Variants in MAGI1 observed in about 807,000 individuals in gnomAD.
MAGI1 encodes membrane-associated guanylate kinase, WW and PDZ domain-containing protein 1.
Under a neutral mutation model 139.9 loss-of-function variants are expected in MAGI1, and 58 were observed. That is an observed-to-expected ratio of 0.41 (90% CI 0.34 to 0.52). MAGI1 has a LOEUF of 0.52. MAGI1 is among the 20% of genes least tolerant of loss of function. The pLI is 0.12. For synonymous variants in MAGI1, 812 were observed against 737.9 expected, an observed-to-expected ratio of 1.10 and a Z score of -1.63; for missense variants, 1,874 against 1,901.6, an observed-to-expected ratio of 0.99 and a Z score of 0.27.
At chr3:65,419,339 T>A (rs1946480420) in intron 12 of MAGI1, among the ~76,000 whole-genome samples, 1 of 151,938 alleles carries the variant, frequency 6.6e-6, no homozygotes, top group Non-Finnish European at 1.5e-5. Context: ...ACACACACAG[T>A]AAATATTTCA....
chr3:65,975,488 G>T (rs1446264410), intron 1 of MAGI1, among the ~76,000 whole-genome samples: 1 of 152,084 alleles, frequency 6.6e-6, no homozygotes, highest in East Asian at 1.9e-4. Context: ...GGGCACAGTG[G>T]CTCAAGCCTG....
intron 1 of MAGI1, among the ~76,000 whole-genome samples, chr3:65,878,287 C>A: frequency 6.6e-6 from 1 of 152,006 alleles, no homozygotes; most frequent in East Asian, 1.9e-4. Flanking sequence ...GAGGCCAAGG[C>A]GGGCAGATCA....
intron 12 of MAGI1, among the ~76,000 whole-genome samples, chr3:65,424,775 T>C (rs1946884334): frequency 6.6e-6 from 1 of 152,100 alleles, no homozygotes; most frequent in African/African-American, 2.4e-5. Flanking sequence ...CTTATTTTCA[T>C]CCAACTTATA....
At chr3:65,530,311 C>A (rs1022492938) in intron 2 of MAGI1, among the ~76,000 whole-genome samples, 1 of 151,986 alleles carries the variant, frequency 6.6e-6, no homozygotes, top group Admixed American at 6.6e-5. Flanking sequence ...TCTTTCACTC[C>A]TTTTCTCCAT....
Position 65,486,841 on chromosome 3 carries a change from C to G in MAGI1, c.550+6671G>C, listed in dbSNP as rs1466095668. Among the ~76,000 whole-genome samples the G allele has an allele frequency of 7.9e-5, 12 of 152,166 alleles. No homozygotes were observed. The South Asian group carries it at 2.3e-3, about 29-fold the overall frequency. ...GAAAGTTTCAGGATGGAGTCCCTGCCCGGCAAACCTACCCCAATTATAGTA... is the reference window on the plus strand; with the variant it reads ...GAAAGTTTCAGGATGGAGTCCCTGCGCGGCAAACCTACCCCAATTATAGTA... On this transcript the variant is annotated intron_variant, in intron 3 of 22. Transcript: ENST00000402939.
rs1376816886 is a variant in MAGI1 at position 65,474,272 on chromosome 3, C to G, written c.758-3788G>C. Among the ~76,000 whole-genome samples, 5 of 152,020 alleles carry G rather than the reference C, an allele frequency of 3.3e-5. No homozygotes were observed. The East Asian group carries it at 9.7e-4, about 29-fold the overall frequency. On this transcript the variant is annotated intron_variant, in intron 4 of 22. Coordinates refer to ENST00000402939, the MANE Select transcript of MAGI1 (RefSeq NM_001033057.2). Reference sequence around the variant, plus strand: ...AGAACGAGACCCTGTCTCAAACAAACAAACAAAACCTTTCATTTAATTTAC... The same window carrying G: ...AGAACGAGACCCTGTCTCAAACAAAGAAACAAAACCTTTCATTTAATTTAC...
chr3:65,372,020 T>C (rs901932766), intron 18 of MAGI1: 5 of 281,650 alleles, frequency 1.8e-5, no homozygotes, highest in Non-Finnish European at 3.6e-5. Context: ...AAGGTCAACA[T>C]GTCTCCCATG....
At chr3:65,799,812 G>C (rs2040401851) in intron 1 of MAGI1, among the ~76,000 whole-genome samples, 1 of 151,952 alleles carries the variant, frequency 6.6e-6, no homozygotes. Flanking sequence ...CACAACTTTT[G>C]AAAACTCTGT....
intron 2 of MAGI1, among the ~76,000 whole-genome samples, chr3:65,521,106 C>T (rs2078133371): frequency 6.6e-6 from 1 of 152,166 alleles, no homozygotes; most frequent in Admixed American, 6.5e-5. Context: ...ATATGTACCA[C>T]AGACAGTGGA....
chr3:65,680,622 T>G (rs141604715), intron 1 of MAGI1, among the ~76,000 whole-genome samples: 1 of 152,118 alleles, frequency 6.6e-6, no homozygotes, highest in African/African-American at 2.4e-5. Flanking sequence ...GGTCTTGCTA[T>G]GTTGTCCAGG....
intron 1 of MAGI1, among the ~76,000 whole-genome samples, chr3:65,774,763 A>T (rs1315095960): frequency 6.6e-6 from 1 of 152,204 alleles, no homozygotes; most frequent in Non-Finnish European, 1.5e-5. Context: ...CAAGAAATTC[A>T]ACCAAAGAGC....
At chr3:65,869,977 T>C (rs1029754039) in intron 1 of MAGI1, among the ~76,000 whole-genome samples, 2 of 152,224 alleles carry the variant, frequency 1.3e-5, no homozygotes, top group Admixed American at 6.5e-5. Context: ...AAATCTGCAT[T>C]GCATTCTGTA....
At chr3:65,871,081 G>T (rs959868444) in intron 1 of MAGI1, among the ~76,000 whole-genome samples, 1 of 151,984 alleles carries the variant, frequency 6.6e-6, no homozygotes, top group African/African-American at 2.4e-5. Flanking sequence ...TGGAACTACA[G>T]GCACACACCA....
At chr3:65,994,468 G>C (rs1346736655) in intron 1 of MAGI1, among the ~76,000 whole-genome samples, 1 of 152,054 alleles carries the variant, frequency 6.6e-6, no homozygotes, top group Non-Finnish European at 1.5e-5. Context: ...AACCCAGTCG[G>C]TCCACCCTGG....
At chr3:65,804,687 G>A (rs1181864500) in intron 1 of MAGI1, among the ~76,000 whole-genome samples, 1 of 151,930 alleles carries the variant, frequency 6.6e-6, no homozygotes, top group African/African-American at 2.4e-5. Flanking sequence ...CCAATCAAAT[G>A]TACCCAACTG....
chr3:65,895,574 A>G (rs2060934648), intron 1 of MAGI1, among the ~76,000 whole-genome samples: 1 of 152,222 alleles, frequency 6.6e-6, no homozygotes, highest in South Asian at 2.1e-4. Context: ...GACTCTTTAT[A>G]TGATCAATGA....
Position 65,532,595 on chromosome 3 carries a change from A to G in MAGI1, c.431-38964T>C, listed in dbSNP as rs116062117. On this transcript the variant is annotated intron_variant, in intron 2 of 22. Transcript: ENST00000402939. ...GCTCTTTCTGGGTCAGACTGGCTAC[A>G]GTGCAAAAACAGCAGCCCAAGCTTG... 5.3e-3 allele frequency among the ~76,000 whole-genome samples: 805 copies of G among 152,332 alleles called. 5 individuals are homozygous for G. Among genetic ancestry groups the G allele is most frequent in the Non-Finnish European group, 8.3e-3 (566 of 68,030 alleles).
intron 12 of MAGI1, among the ~76,000 whole-genome samples, chr3:65,406,881 C>T (rs1945382909): frequency 6.6e-6 from 1 of 151,906 alleles, no homozygotes; most frequent in Admixed American, 6.6e-5. Flanking sequence ...CCACTGAAAG[C>T]CACTGAAAGA....
chr3:66,005,608 C>T (rs2066973142), intron 1 of MAGI1, among the ~76,000 whole-genome samples: 1 of 152,104 alleles, frequency 6.6e-6, no homozygotes, highest in African/African-American at 2.4e-5. Flanking sequence ...ACGCCTTCCC[C>T]TTGTGTCTTA....
Sources: allele counts gnomAD v4.1 joint callset (sites outside exome capture counted in the v4.1 genomes callset), GRCh38; gene constraint gnomAD v4.1.1; transcripts MANE v1.5; gene names NCBI Gene and HGNC (gene_info 2026-07-23, HGNC 2026-07-21).